The following INTS7 variants were observed in gnomAD, a reference collection of about 807,000 sequenced individuals.
INTS7 encodes the protein integrator complex subunit 7, also known as chromosome 1 open reading frame 73.
Under a neutral mutation model 109.2 loss-of-function variants are expected in INTS7, and 46 were observed. The observed-to-expected ratio is 0.42, with a 90% CI of 0.33 to 0.54. The LOEUF (loss-of-function observed/expected upper bound fraction) is 0.54. Ranked by LOEUF, INTS7 falls within the 20% of genes least tolerant of loss-of-function variation. The pLI is 0.07. For synonymous variants in INTS7, 412 were observed against 402.9 expected, an observed-to-expected ratio of 1.02 and a Z score of -0.27; for missense variants, 929 against 1,132.4, an observed-to-expected ratio of 0.82 and a Z score of 2.58.
At chr1:211,955,987 T>A (rs1037229060) in intron 16 of INTS7, among the ~76,000 whole-genome samples, 1 of 152,272 alleles carries the variant, frequency 6.6e-6, no homozygotes, top group Non-Finnish European at 1.5e-5. Context: ...ATTCCATTTC[T>A]GGTGGTAGGC....
chr1:212,002,686 C>T (rs141126444), intron 7 of INTS7, among the ~76,000 whole-genome samples: 184 of 152,348 alleles, frequency 1.2e-3, no homozygotes, highest in African/African-American at 4.2e-3. Context: ...GAGGGTTTCC[C>T]TAACCAGCCT....
Position 212,016,751 on chromosome 1 carries a change from C to T in INTS7, c.509+135G>A, listed in dbSNP as rs1049110529. 7.4e-6 allele frequency: 5 copies of T among 673,978 alleles called. No individual in the cohort carries two copies. In the African/African-American group the frequency reaches 9.6e-5, roughly 13 times the overall value. 41.7% of individuals were successfully genotyped at this position (673,978 alleles called of 1,614,324 possible). Reference sequence around the variant, plus strand: ...TCTTGTTTCCCCAACATAAGGTAAACCTTCTTGGAAAACACACCTTGTAAT... The same window carrying T: ...TCTTGTTTCCCCAACATAAGGTAAATCTTCTTGGAAAACACACCTTGTAAT... On this transcript the variant is annotated intron_variant, in intron 4 of 19. Coordinates refer to ENST00000366994, the MANE Select transcript of INTS7 (RefSeq NM_015434.4).
chr1:212,017,580 A>G (rs1434238825), intron 3 of INTS7, among the ~76,000 whole-genome samples: 1 of 152,226 alleles, frequency 6.6e-6, no homozygotes, highest in African/African-American at 2.4e-5. Flanking sequence ...AACACAGTCT[A>G]CTTTATAATA....
In INTS7 at chr1:212,016,892, T is replaced by A; in HGVS notation, c.503A>T (p.Gln168Leu). ...AVFAAANFSAQSKDFAVGICN... is the reference protein window; with the variant it reads ...AVFAAANFSALSKDFAVGICN... ...TGTACTTTTGTAAGCTTACTTTGAC[T>A]GTGCAGAGAAGTTTGCAGCAGCAAA... Residue 168 changes from glutamine (Q) to leucine (L), a missense_variant, in exon 4 of 20, where the codon CAG becomes CTG. By Grantham distance (113) the Gln-to-Leu change is moderately radical. Transcript: ENST00000366994. 1 of 1,595,660 alleles carries A rather than the reference T, an allele frequency of 6.3e-7. No individual in the cohort carries two copies. The highest frequency in any genetic ancestry group is 8.5e-7 in the Non-Finnish European group (1 of 1,174,452).
At chr1:211,966,879 AAAAC>A (rs1309872637) in intron 15 of INTS7, among the ~76,000 whole-genome samples, 19 of 152,296 alleles carry the variant, frequency 1.2e-4, no homozygotes, top group Admixed American at 8.5e-4. Context: ...AATAGAAACA[AAAAC>A]AAAACACAGT....
At chr1:211,981,234 G>A (rs778384553) in intron 9 of INTS7, 44 bp from the exon 10 acceptor site, 9 of 1,242,058 alleles carry the variant, frequency 7.2e-6, no homozygotes, top group Admixed American at 6.8e-5. Context: ...AGTGATGTGT[G>A]TACAAACACA....
chr1:211,966,417 A>T lies in INTS7; in HGVS notation c.2183+13T>A. On this transcript the variant is annotated intron_variant, in intron 16 of 19. Transcript: ENST00000366994. The stretch of plus-strand genomic sequence containing the variant: ...TGTTCTGTAACGCCAACTATTATTA[A>T]TATTAGAATTACCTTGCTGATTCTG... 2.1e-6 allele frequency: 3 copies of T among 1,440,506 alleles called. No individual in the cohort carries two copies. The highest frequency in any genetic ancestry group is 2.9e-6 in the Non-Finnish European group (3 of 1,023,910). The allele number at this position is 1,440,506 out of a possible 1,614,324, so 89.2% of individuals were successfully genotyped here.
Position 212,007,749 on chromosome 1 carries a change from TA to T in INTS7, c.557-301del, listed in dbSNP as rs1487057338. ...TGCCTATTTCCTCTCATTGTCATAG[TA>T]AAAAAATTATACATACACATATACA... On this transcript the variant is annotated intron_variant, in intron 5 of 19. Coordinates refer to ENST00000366994, the MANE Select transcript of INTS7 (RefSeq NM_015434.4). Among the ~76,000 whole-genome samples, 3 of 152,136 alleles carry T rather than the reference TA, an allele frequency of 2.0e-5. No individual in the cohort carries two copies. In the South Asian group the frequency reaches 6.2e-4, roughly 31 times the overall value.
intron 19 of INTS7, 99 bp downstream of exon 19, chr1:211,944,685 T>G: frequency 1.0e-6 from 1 of 959,392 alleles, no homozygotes; most frequent in Non-Finnish European, 1.6e-6. Flanking sequence ...CCTTTGGAGG[T>G]ATAACTGCAA....
intron 13 of INTS7, among the ~76,000 whole-genome samples, chr1:211,970,210 G>T (rs1664110078): frequency 1.3e-5 from 2 of 152,186 alleles, no homozygotes; most frequent in South Asian, 4.1e-4. Flanking sequence ...GGTATCAGGG[G>T]TAAGTCTTGG....
At chr1:212,005,912 C>T (rs1293893952) in intron 7 of INTS7, among the ~76,000 whole-genome samples, 3 of 151,966 alleles carry the variant, frequency 2.0e-5, no homozygotes, top group South Asian at 2.1e-4. Flanking sequence ...AAACAACAAA[C>T]AAACAAACAG....
At chr1:212,015,395 C>T (rs1381822565) in intron 4 of INTS7, among the ~76,000 whole-genome samples, 1 of 152,112 alleles carries the variant, frequency 6.6e-6, no homozygotes, top group Non-Finnish European at 1.5e-5. Context: ...TGCTGTTAAT[C>T]TATAACCTTA....
At chr1:211,966,137 A>G in intron 16 of INTS7, 1 of 188,094 alleles carries the variant, frequency 5.3e-6, no homozygotes. Flanking sequence ...TTCAAGTTTA[A>G]TTGTATCATT....
intron 4 of INTS7, among the ~76,000 whole-genome samples, chr1:212,014,565 C>T (rs985201900): frequency 6.6e-6 from 1 of 151,672 alleles, no homozygotes. Context: ...CTCCCCCTCC[C>T]CCTCTCCCCA....
intron 1 of INTS7, among the ~76,000 whole-genome samples, chr1:212,030,191 T>C (rs749721190): frequency 1.3e-5 from 2 of 152,200 alleles, no homozygotes; most frequent in African/African-American, 4.8e-5. Flanking sequence ...ATTTTTGGAT[T>C]AGTTCATAGC....
In INTS7 at chr1:211,940,925, T is replaced by C. The variant is rs150575437; in HGVS notation, c.*899A>G. ...TCAGAAAAAACAAATTAATTTTCTATGAAATTGCTAGCTGCTCTTTGTTTC... is the reference window on the plus strand; with the variant it reads ...TCAGAAAAAACAAATTAATTTTCTACGAAATTGCTAGCTGCTCTTTGTTTC... On this transcript the variant is annotated 3_prime_UTR_variant, in exon 20 of 20. Transcript: ENST00000366994. 6.6e-6 allele frequency: 1 copy of C among 152,304 alleles called. No homozygotes were observed. Among genetic ancestry groups the C allele is most frequent in the Admixed American group, 6.5e-5 (1 of 15,308 alleles). The allele number at this position is 152,304 out of a possible 1,614,324, so 9.4% of individuals were successfully genotyped here. A position where few individuals can be genotyped will look rare whatever the true frequency, so the allele number is the denominator to read the frequency against.
intron 19 of INTS7, among the ~76,000 whole-genome samples, chr1:211,943,893 T>C (rs902090396): frequency 6.6e-6 from 1 of 152,226 alleles, no homozygotes; most frequent in African/African-American, 2.4e-5. Flanking sequence ...TTGCTTCATT[T>C]ACTGTGGATA....
At chr1:211,991,055 A>T (rs1342215326) in intron 7 of INTS7, among the ~76,000 whole-genome samples, 1 of 152,200 alleles carries the variant, frequency 6.6e-6, no homozygotes, top group Non-Finnish European at 1.5e-5. Flanking sequence ...AGACTAGTGA[A>T]TGAGTATGAC....
intron 13 of INTS7, among the ~76,000 whole-genome samples, chr1:211,969,111 C>T (rs1198585597): frequency 1.3e-5 from 2 of 151,890 alleles, no homozygotes; most frequent in East Asian, 1.9e-4. Flanking sequence ...GGTGAAACCC[C>T]GTCTCTATTA....
Sources: gnomAD v4.1 joint callset for allele counts (sites outside exome capture counted in the v4.1 genomes callset) on GRCh38, gnomAD v4.1.1 for gene constraint, MANE v1.5 for transcripts, NCBI Gene and HGNC (gene_info 2026-07-23, HGNC 2026-07-21) for gene names.